The following PCDHGB1 variants were observed in gnomAD, a reference collection of about 807,000 sequenced individuals.
PCDHGB1 encodes the protein protocadherin gamma-B1.
A neutral mutation model predicts 56.6 loss-of-function variants in PCDHGB1; 34 were observed. The observed-to-expected ratio is 0.60, with a 90% CI of 0.46 to 0.80. The LOEUF is 0.80. PCDHGB1 is among the 30% of genes least tolerant of loss of function. The probability of loss-of-function intolerance (pLI) is 0.00; values close to 1 mark genes in which losing one functional copy is unlikely to be tolerated. For missense variants in PCDHGB1, 1,278 were observed against 1,204.6 expected, an observed-to-expected ratio of 1.06 and a Z score of -0.90; for synonymous variants, 561 against 505.9, an observed-to-expected ratio of 1.11 and a Z score of -1.46.
At position 141,385,515 on chromosome 5, in the gene PCDHGB1, C is replaced by A. The variant is rs549682834; in HGVS notation, c.2409+32846C>A. On this transcript the variant is annotated intron_variant, in intron 1 of 3. Coordinates refer to ENST00000523390, the MANE Select transcript of PCDHGB1 (RefSeq NM_018922.3). ...GGATATAGTATTTCTTTAGTGAAAG[C>A]CTATGGACAAGATTATGAATATGTG... The A allele has an allele frequency of 5.6e-5, 76 of 1,362,798 alleles. No homozygotes were observed. The East Asian group carries it at 1.7e-3, about 31-fold the overall frequency. 84.4% of individuals were successfully genotyped at this position (1,362,798 alleles called of 1,614,324 possible).
intron 1 of PCDHGB1, chr5:141,387,691 G>C (rs1032902954): frequency 3.3e-5 from 28 of 840,822 alleles, no homozygotes; most frequent in Non-Finnish European, 4.7e-5. Context: ...GCCGCAGCGC[G>C]CTTTCCAGGG....
chr5:141,407,505 T>TTTTTTTTTTTTTTTTTGAGACGG (rs1460306566), intron 1 of PCDHGB1, among the ~76,000 whole-genome samples: 2 of 152,146 alleles, frequency 1.3e-5, no homozygotes, highest in African/African-American at 4.8e-5. Flanking sequence ...CTGTTTTTCT[T>TTTTTTTTTTTTTTTTTGAGACGG]AGGCTATGTA....
Position 141,489,653 on chromosome 5 carries a change from G to A in PCDHGB1, c.2410-5154G>A, listed in dbSNP as rs752269910. 2.0e-5 allele frequency: 33 copies of A among 1,614,164 alleles called. No individual in the cohort carries two copies. In the East Asian group the frequency reaches 4.9e-4, roughly 24 times the overall value. ...TCTCCTAGCTTTGCCACCCCTGAGC[G>A]AGAGATGCGCATCTCAGAATCAGCA... On this transcript the variant is annotated intron_variant, in intron 1 of 3. Transcript: ENST00000523390. This position sits in a 1 kb window ranked among gnomAD's most constrained non-coding sequence, Gnocchi z 4.5.
At chr5:141,374,589 G>A (rs1385892757) in intron 1 of PCDHGB1, 1 of 1,613,676 alleles carries the variant, frequency 6.2e-7, no homozygotes, top group Non-Finnish European at 8.5e-7. Context: ...TCCCTTCAGG[G>A]ATTTAAGCTC....
At chr5:141,381,561 A>G (rs1251342749) in intron 1 of PCDHGB1, among the ~76,000 whole-genome samples, 3 of 152,196 alleles carry the variant, frequency 2.0e-5, no homozygotes, top group Non-Finnish European at 4.4e-5. Flanking sequence ...TGAATTGCAT[A>G]ATGAAAAGAA....
chr5:141,356,257 A>G (rs757847704), intron 1 of PCDHGB1: 1 of 1,569,886 alleles, frequency 6.4e-7, no homozygotes, highest in Admixed American at 1.9e-5. Flanking sequence ...TACATCTCTC[A>G]CCAGCTCAGT....
rs780105196 is a variant in PCDHGB1 at position 141,366,612 on chromosome 5, C to T, written c.2409+13943C>T. 1.7e-5 allele frequency: 28 copies of T among 1,614,116 alleles called. No individual in the cohort carries two copies. In the Admixed American group the frequency reaches 4.5e-4, roughly 26 times the overall value. ...TATTCCCACGAGGTCTCCCTCACCG[C>T]GGACTCGAGGAAGAGTCACCTGATC... On this transcript the variant is annotated intron_variant, in intron 1 of 3. Transcript: ENST00000523390.
intron 1 of PCDHGB1, among the ~76,000 whole-genome samples, chr5:141,444,735 C>G (rs924159168): frequency 6.6e-6 from 1 of 152,116 alleles, no homozygotes; most frequent in Admixed American, 6.5e-5. Flanking sequence ...TGTTGAAAGT[C>G]ATTTCACTGA....
At position 141,512,630 on chromosome 5, in the gene PCDHGB1, G is replaced by C. The variant is rs1335322474; in HGVS notation, c.*1457G>C. On this transcript the variant is annotated 3_prime_UTR_variant, in exon 4 of 4. Transcript: ENST00000523390. ...GGGGCTGCCAGAGAACCCCAGACCT[G>C]CCCTTACAGTAGTGTAGCGCCCCCT... The C allele has an allele frequency of 6.5e-6, 1 of 152,888 alleles. No individual in the cohort carries two copies. Among genetic ancestry groups the C allele is most frequent in the Non-Finnish European group, 1.5e-5 (1 of 68,576 alleles). 9.5% of individuals were successfully genotyped at this position (152,888 alleles called of 1,614,324 possible).
chr5:141,355,695 C>G (rs1485477328), intron 1 of PCDHGB1: 1 of 1,614,008 alleles, frequency 6.2e-7, no homozygotes, highest in Non-Finnish European at 8.5e-7. Flanking sequence ...TAGGTGTAAA[C>G]TCCCTGCAGG....
At position 141,477,177 on chromosome 5, in the gene PCDHGB1, T is replaced by C; in HGVS notation, c.2410-17630T>C. The C allele has an allele frequency of 6.2e-7, 1 of 1,614,160 alleles. No individual in the cohort carries two copies. On this transcript the variant is annotated intron_variant, in intron 1 of 3. Coordinates refer to ENST00000523390, the MANE Select transcript of PCDHGB1 (RefSeq NM_018922.3). This position sits in a 1 kb window ranked among gnomAD's most constrained non-coding sequence, Gnocchi z 4.9. Reference sequence around the variant, plus strand: ...AATGACAACGCCCCGGAGATCACAGTCACCTCCGTGTACAGCCCAGTACCC... The same window carrying C: ...AATGACAACGCCCCGGAGATCACAGCCACCTCCGTGTACAGCCCAGTACCC...
At position 141,421,588 on chromosome 5, in the gene PCDHGB1, G is replaced by C; in HGVS notation, c.2409+68919G>C. 3 of 1,613,910 alleles carry C rather than the reference G, an allele frequency of 1.9e-6. No homozygotes were observed. The South Asian group carries it at 3.3e-5, about 18-fold the overall frequency. ...AGACACCTTGAAGATTTACGGAGTGGAGGTGGAAATAATAGATATTAATGA... is the reference window on the plus strand; with the variant it reads ...AGACACCTTGAAGATTTACGGAGTGCAGGTGGAAATAATAGATATTAATGA... On this transcript the variant is annotated intron_variant, in intron 1 of 3. Coordinates refer to ENST00000523390, the MANE Select transcript of PCDHGB1 (RefSeq NM_018922.3).
intron 1 of PCDHGB1, among the ~76,000 whole-genome samples, chr5:141,368,256 T>G (rs982604434): frequency 6.6e-6 from 1 of 152,192 alleles, no homozygotes; most frequent in Non-Finnish European, 1.5e-5. Flanking sequence ...AAAGGTTAAT[T>G]GACACATTAA....
At chr5:141,456,819 C>A (rs1453433865) in intron 1 of PCDHGB1, among the ~76,000 whole-genome samples, 1 of 151,982 alleles carries the variant, frequency 6.6e-6, no homozygotes, top group Non-Finnish European at 1.5e-5. Flanking sequence ...AAAAAATTAG[C>A]CATCGTGGTA....
chr5:141,477,221 A>G lies in PCDHGB1; in HGVS notation c.2410-17586A>G, dbSNP rs771608717. 1 of 1,614,178 alleles carries G rather than the reference A, an allele frequency of 6.2e-7. No homozygotes were observed. The highest frequency in any genetic ancestry group is 8.5e-7 in the Non-Finnish European group (1 of 1,180,044). ...AGTACCCGAGGATGCCCCTCTGGGG[A>G]CTGTCATCGCTTTGCTCAGTGTGAC... On this transcript the variant is annotated intron_variant, in intron 1 of 3. Coordinates refer to ENST00000523390, the MANE Select transcript of PCDHGB1 (RefSeq NM_018922.3). This position sits in a 1 kb window ranked among gnomAD's most constrained non-coding sequence, Gnocchi z 4.9.
chr5:141,433,208 C>CTTT, intron 1 of PCDHGB1: 2 of 1,293,022 alleles, frequency 1.5e-6, no homozygotes, highest in Non-Finnish European at 2.1e-6. Context: ...AATCTTCTTT[C>CTTT]TTTTTTTTTT....
At chr5:141,371,292 G>T (rs527250082) in intron 1 of PCDHGB1, 1 of 1,613,858 alleles carries the variant, frequency 6.2e-7, no homozygotes, top group South Asian at 1.1e-5. Flanking sequence ...TAAAACGGGG[G>T]AACTCACCAC....
At position 141,489,083 on chromosome 5, in the gene PCDHGB1, T is replaced by G; in HGVS notation, c.2410-5724T>G. On this transcript the variant is annotated intron_variant, in intron 1 of 3. Coordinates refer to ENST00000523390, the MANE Select transcript of PCDHGB1 (RefSeq NM_018922.3). This position sits in a 1 kb window ranked among gnomAD's most constrained non-coding sequence, Gnocchi z 4.5. ...CCTCCCCCCTGCCCACCCCCGCCACTCGGTGACTAAGAACTGCTGCAAGCA... is the reference window on the plus strand; with the variant it reads ...CCTCCCCCCTGCCCACCCCCGCCACGCGGTGACTAAGAACTGCTGCAAGCA... The G allele has an allele frequency of 1.2e-5, 2 of 172,008 alleles. No individual in the cohort carries two copies. Among genetic ancestry groups the G allele is most frequent in the Non-Finnish European group, 2.1e-5 (2 of 94,012 alleles). The allele number at this position is 172,008 out of a possible 1,614,324, so 10.7% of individuals were successfully genotyped here. A position where few individuals can be genotyped will look rare whatever the true frequency, so the allele number is the denominator to read the frequency against.
rs1366118961 is a variant in PCDHGB1 at position 141,375,763 on chromosome 5, C to T, written c.2409+23094C>T. The T allele has an allele frequency of 3.7e-6, 6 of 1,614,124 alleles. No homozygotes were observed. The African/African-American group carries it at 6.7e-5, about 18-fold the overall frequency. On this transcript the variant is annotated intron_variant, in intron 1 of 3. Transcript: ENST00000523390. ...TGCTGGACCAGAATGACAATGCGCC[C>T]GAGATCCTGTACCCCGCCCTCCCCA...
Sources: gnomAD v4.1 joint callset for allele counts (sites outside exome capture counted in the v4.1 genomes callset) on GRCh38, gnomAD v4.1.1 for gene constraint, Gnocchi (gnomAD v3.1) non-coding constraint, MANE v1.5 for transcripts, NCBI Gene and HGNC (gene_info 2026-07-23, HGNC 2026-07-21) for gene names.